Variants in ZNRF1 observed in about 807,000 individuals in gnomAD.
The protein encoded by ZNRF1 is zinc and ring finger 1.
A neutral mutation model predicts 18.4 loss-of-function variants in ZNRF1; 3 were observed. That is an observed-to-expected ratio of 0.16 (90% CI 0.07 to 0.42). The LOEUF (loss-of-function observed/expected upper bound fraction) is 0.42, where lower values mean the gene tolerates loss of function less well. ZNRF1 is among the 10% of genes least tolerant of loss of function. The pLI is 0.99. For synonymous variants in ZNRF1, 157 were observed against 144.2 expected (o/e 1.09, Z -0.64); for missense variants, 310 against 329.8 (o/e 0.94, Z 0.47).
chr16:75,108,177 C>T lies in ZNRF1; in HGVS notation c.*477C>T, dbSNP rs1284598360. 1 of 173,834 alleles carries T rather than the reference C, an allele frequency of 5.8e-6. No homozygotes were observed. The highest frequency in any genetic ancestry group is 1.7e-4 in the East Asian group (1 of 5,750). The allele number at this position is 173,834 out of a possible 1,614,324, so 10.8% of individuals were successfully genotyped here. On this transcript the variant is annotated 3_prime_UTR_variant, in exon 5 of 5. Transcript: ENST00000335325. ...CGAGCACACGGTCTCTTCCCCTGCCCCAACTGGCCCTCTCCACCACCAACT... is the reference window on the plus strand; with the variant it reads ...CGAGCACACGGTCTCTTCCCCTGCCTCAACTGGCCCTCTCCACCACCAACT...
At chr16:75,070,604 G>C (rs2035858990) in intron 1 of ZNRF1, among the ~76,000 whole-genome samples, 1 of 152,144 alleles carries the variant, frequency 6.6e-6, no homozygotes, top group South Asian at 2.1e-4. Flanking sequence ...CATACATCCT[G>C]ATGCATTCAC....
intron 1 of ZNRF1, chr16:75,084,726 C>G (rs977369319): frequency 6.6e-6 from 1 of 152,334 alleles, no homozygotes; most frequent in African/African-American, 2.4e-5. Context: ...TCTGCCCTCA[C>G]TGTTCTTCTA....
intron 1 of ZNRF1, among the ~76,000 whole-genome samples, chr16:75,045,619 G>A (rs904296568): frequency 6.6e-6 from 1 of 152,036 alleles, no homozygotes; most frequent in Non-Finnish European, 1.5e-5. Flanking sequence ...GCCCAGGCTG[G>A]CCTCCTGCCA....
At chr16:75,088,710 T>G (rs1260525062) in intron 1 of ZNRF1, among the ~76,000 whole-genome samples, 1 of 152,226 alleles carries the variant, frequency 6.6e-6, no homozygotes, top group Non-Finnish European at 1.5e-5. Flanking sequence ...TGTAATCTTC[T>G]GAGCCTTGAT....
At chr16:75,037,158 T>C (rs898521275) in intron 1 of ZNRF1, among the ~76,000 whole-genome samples, 1 of 152,236 alleles carries the variant, frequency 6.6e-6, no homozygotes, top group Admixed American at 6.5e-5. Flanking sequence ...ATGAGCAGAA[T>C]GGATGATACT....
intron 1 of ZNRF1, among the ~76,000 whole-genome samples, chr16:75,019,949 G>C (rs1026533555): frequency 6.6e-6 from 1 of 152,154 alleles, no homozygotes; most frequent in African/African-American, 2.4e-5. Context: ...GGGCTCAGGC[G>C]ATCCTCCCAC....
At chr16:75,031,929 A>T (rs1387913423) in intron 1 of ZNRF1, among the ~76,000 whole-genome samples, 1 of 152,042 alleles carries the variant, frequency 6.6e-6, no homozygotes, top group East Asian at 1.9e-4. Flanking sequence ...ACTGTTTTCC[A>T]AAGGAATTGC....
intron 1 of ZNRF1, among the ~76,000 whole-genome samples, chr16:75,024,857 T>A (rs1567469588): frequency 6.6e-6 from 1 of 152,212 alleles, no homozygotes; most frequent in Non-Finnish European, 1.5e-5. Context: ...CTGTGAAGAT[T>A]TTAAACATTA....
At chr16:75,017,348 A>G (rs1273982913) in intron 1 of ZNRF1, among the ~76,000 whole-genome samples, 1 of 152,238 alleles carries the variant, frequency 6.6e-6, no homozygotes, top group African/African-American at 2.4e-5. Flanking sequence ...ATTTACAGAT[A>G]TAAAAATAAA....
chr16:75,056,150 A>G (rs1437483396), intron 1 of ZNRF1, among the ~76,000 whole-genome samples: 1 of 152,168 alleles, frequency 6.6e-6, no homozygotes, highest in East Asian at 1.9e-4. Context: ...CTTTTTATAT[A>G]TAGTTTGAAG....
chr16:75,056,837 A>G (rs1245606737), intron 1 of ZNRF1, among the ~76,000 whole-genome samples: 1 of 152,068 alleles, frequency 6.6e-6, no homozygotes, highest in Non-Finnish European at 1.5e-5. Context: ...AGAAGTTACC[A>G]TGTTGGCCAG....
At position 74,999,999 on chromosome 16, in the gene ZNRF1, CA is replaced by C. The variant is rs758996526; in HGVS notation, c.329del (p.His110ProfsTer53). ...TGGTTACCAGGAGACGGGCGGCGGT[CA>C]CCATAGAGACGGGATGCTGTACCTG... ...GNGYQETGGG[H>X]HRDGMLYLGS... On this transcript the variant is annotated frameshift_variant, in exon 1 of 5. Coordinates refer to ENST00000335325, the MANE Select transcript of ZNRF1 (RefSeq NM_032268.5). LOFTEE classifies it high-confidence loss of function. 426 of 1,588,618 alleles carry C rather than the reference CA, an allele frequency of 2.7e-4. No homozygotes were observed. Among genetic ancestry groups the C allele is most frequent in the Non-Finnish European group, 3.5e-4 (407 of 1,168,676 alleles).
chr16:75,021,592 T>C (rs1184636413), intron 1 of ZNRF1, among the ~76,000 whole-genome samples: 2 of 152,250 alleles, frequency 1.3e-5, no homozygotes, highest in Non-Finnish European at 2.9e-5. Context: ...TTGGATAATT[T>C]AGCTAGTTAT....
At chr16:75,044,613 G>C (rs1006990686) in intron 1 of ZNRF1, among the ~76,000 whole-genome samples, 1 of 151,820 alleles carries the variant, frequency 6.6e-6, no homozygotes, top group Admixed American at 6.6e-5. Flanking sequence ...CGATCCTCCT[G>C]CCTCATAAAG....
intron 1 of ZNRF1, among the ~76,000 whole-genome samples, chr16:75,042,002 A>G (rs1352451067): frequency 6.6e-6 from 1 of 152,170 alleles, no homozygotes; most frequent in African/African-American, 2.4e-5. Context: ...GTCTCAAAAA[A>G]CAAAGACTTA....
At chr16:75,064,020 G>A (rs1178783464) in intron 1 of ZNRF1, among the ~76,000 whole-genome samples, 2 of 152,156 alleles carry the variant, frequency 1.3e-5, no homozygotes, top group African/African-American at 2.4e-5. Context: ...GGTTTTGGCC[G>A]GGTGCAGTGG....
At chr16:75,053,991 A>G (rs1048742142) in intron 1 of ZNRF1, among the ~76,000 whole-genome samples, 1 of 152,216 alleles carries the variant, frequency 6.6e-6, no homozygotes, top group African/African-American at 2.4e-5. Context: ...TACTTTTCGT[A>G]TGAACTATGT....
intron 1 of ZNRF1, among the ~76,000 whole-genome samples, chr16:75,040,961 C>G (rs1430350162): frequency 1.3e-5 from 2 of 152,114 alleles, no homozygotes; most frequent in East Asian, 3.8e-4. Context: ...GTAGTTTGTG[C>G]TGACATCGGT....
At chr16:75,033,092 G>A (rs1451293853) in intron 1 of ZNRF1, among the ~76,000 whole-genome samples, 1 of 151,980 alleles carries the variant, frequency 6.6e-6, no homozygotes, top group Admixed American at 6.6e-5. Context: ...TTCTTTATAC[G>A]TCTGTCCTTA....
Sources: gnomAD v4.1 joint callset for allele counts (sites outside exome capture counted in the v4.1 genomes callset) on GRCh38, gnomAD v4.1.1 for gene constraint, MANE v1.5 for transcripts, NCBI Gene and HGNC (gene_info 2026-07-23, HGNC 2026-07-21) for gene names.